HOXC13: variants seen among roughly 807,000 people sequenced by gnomAD.
HOXC13 encodes homeobox protein Hox-C13.
Under a neutral mutation model 25.9 loss-of-function variants are expected in HOXC13, and 10 were observed. The ratio of observed to expected loss-of-function variants is 0.39; its 90% CI spans 0.24 to 0.65. The LOEUF (loss-of-function observed/expected upper bound fraction) is 0.65. Ranked by LOEUF, HOXC13 falls within the 30% of genes least tolerant of loss-of-function variation. HOXC13 has a pLI of 0.50. For synonymous variants in HOXC13, 233 were observed against 217.1 expected, an observed-to-expected ratio of 1.07 and a Z score of -0.64; for missense variants, 439 against 478.3, an observed-to-expected ratio of 0.92 and a Z score of 0.77.
Position 53,939,109 on chromosome 12 carries a change from A to T in HOXC13, c.203A>T (p.His68Leu), listed in dbSNP as rs1049289125. 1.4e-6 allele frequency: 2 copies of T among 1,444,938 alleles called. No homozygotes were observed. The highest frequency in any genetic ancestry group is 3.0e-5 in the African/African-American group (2 of 66,678). The allele number at this position is 1,444,938 out of a possible 1,614,324, so 89.5% of individuals were successfully genotyped here. A position where few individuals can be genotyped will look rare whatever the true frequency, so the allele number is the denominator to read the frequency against. The stretch of plus-strand genomic sequence containing the variant: ...CTGGGCAGCAGCTGCCCGGCCAGCC[A>T]CTGCCGCGACCTGCTTCCGCACCCC... ...DGLGSSCPAS[H>L]CRDLLPHPVL... is the part of the protein sequence containing the mutation. The change falls in exon 1 of 2, where the codon CAC becomes CTC. Residue 68 changes from histidine (H) to leucine (L), a missense_variant. His to Leu is a moderately conservative substitution (Grantham distance 99). Coordinates refer to ENST00000243056, the MANE Select transcript of HOXC13 (RefSeq NM_017410.3). This position sits in a 1 kb window ranked among gnomAD's most constrained non-coding sequence, Gnocchi z 6.7.
chr12:53,945,343 A>G lies in HOXC13; in HGVS notation c.*87A>G, dbSNP rs113894846. The G allele has an allele frequency of 6.0e-6, 9 of 1,493,646 alleles. No individual in the cohort carries two copies. The highest frequency in any genetic ancestry group is 2.8e-5 in the African/African-American group (2 of 72,112). The allele number at this position is 1,493,646 out of a possible 1,614,324, so 92.5% of individuals were successfully genotyped here. A position where few individuals can be genotyped will look rare whatever the true frequency, so the allele number is the denominator to read the frequency against. On this transcript the variant is annotated 3_prime_UTR_variant, in exon 2 of 2. Coordinates refer to ENST00000243056, the MANE Select transcript of HOXC13 (RefSeq NM_017410.3). This position sits in a 1 kb window ranked among gnomAD's most constrained non-coding sequence, Gnocchi z 4.4. ...CGGAAAGACGCTGCGCGGGTGCAGAAGAGTATTTAATGTTAAGGAAAGAGA... is the reference window on the plus strand; with the variant it reads ...CGGAAAGACGCTGCGCGGGTGCAGAGGAGTATTTAATGTTAAGGAAAGAGA...
intron 1 of HOXC13, among the ~76,000 whole-genome samples, chr12:53,944,785 G>A (rs896708233): frequency 6.6e-6 from 1 of 151,924 alleles, no homozygotes; most frequent in African/African-American, 2.4e-5. Context: ...AGTTTTTGGC[G>A]CCCCCTCCCT....
rs760321962 is a variant in HOXC13 at position 53,945,295 on chromosome 12, G to C, written c.*39G>C. On this transcript the variant is annotated 3_prime_UTR_variant, in exon 2 of 2. Transcript: ENST00000243056. This position sits in a 1 kb window ranked among gnomAD's most constrained non-coding sequence, Gnocchi z 4.4. ...GCTTGCCCCATCTATTTATGTCTCC[G>C]CTTTGTACCATAACCGAACCCACGG... is the stretch of plus-strand genomic sequence containing the variant. 8 of 1,607,620 alleles carry C rather than the reference G, an allele frequency of 5.0e-6. No homozygotes were observed. In the African/African-American group the frequency reaches 9.4e-5, roughly 19 times the overall value.
In HOXC13 at chr12:53,939,607, C is replaced by T. The variant is rs747961337; in HGVS notation, c.701C>T (p.Ser234Leu). 7 of 1,499,132 alleles carry T rather than the reference C, an allele frequency of 4.7e-6. No individual in the cohort carries two copies. Among genetic ancestry groups the T allele is most frequent in the South Asian group, 2.7e-5 (2 of 73,476 alleles). The allele number at this position is 1,499,132 out of a possible 1,614,324, so 92.9% of individuals were successfully genotyped here. ...CAGGTGTACTGCTCCAAGGAGCAGT[C>T]GCAGTCCGCCCACCTCTGGAAGTCT... is the stretch of plus-strand genomic sequence containing the variant. ...DSQVYCSKEQ[S>L]QSAHLWKSPF... Residue 234 changes from serine to leucine, a missense_variant, in exon 1 of 2, where the codon TCG becomes TTG. Transcript: ENST00000243056. The surrounding 1 kb of genome is among the most constrained non-coding windows in gnomAD (Gnocchi z 6.7).
At position 53,939,134 on chromosome 12, in the gene HOXC13, C is replaced by T; in HGVS notation, c.228C>T (p.Pro76=). 3 of 1,465,120 alleles carry T rather than the reference C, an allele frequency of 2.0e-6. No homozygotes were observed. Among genetic ancestry groups the T allele is most frequent in the Admixed American group, 2.6e-5 (1 of 38,018 alleles). The allele number at this position is 1,465,120 out of a possible 1,614,324, so 90.8% of individuals were successfully genotyped here. The change falls in exon 1 of 2, where the codon CCC becomes CCT. Residue 76 remains proline, a synonymous_variant. Transcript: ENST00000243056. This position sits in a 1 kb window ranked among gnomAD's most constrained non-coding sequence, Gnocchi z 6.7. ...ASHCRDLLPH[P]VLGRPPAPLG... ...ACTGCCGCGACCTGCTTCCGCACCC[C>T]GTGCTGGGCCGCCCGCCGGCTCCCC...
chr12:53,939,022 C>A lies in HOXC13; in HGVS notation c.116C>A (p.Thr39Lys). The A allele has an allele frequency of 6.8e-7, 1 of 1,479,688 alleles. No individual in the cohort carries two copies. Among genetic ancestry groups the A allele is most frequent in the East Asian group, 2.8e-5 (1 of 35,586 alleles). The allele number at this position is 1,479,688 out of a possible 1,614,324, so 91.7% of individuals were successfully genotyped here. The change falls in exon 1 of 2, where the codon ACG becomes AAG. Residue 39 changes from threonine to lysine, a missense_variant. Thr to Lys is a moderately conservative substitution (Grantham distance 78, BLOSUM62 -1). Coordinates refer to ENST00000243056, the MANE Select transcript of HOXC13 (RefSeq NM_017410.3). This position sits in a 1 kb window ranked among gnomAD's most constrained non-coding sequence, Gnocchi z 6.7. ...GGGGGGGGGG[T>K]GGAGGGCSGA... Reference sequence around the variant, plus strand: ...GGCGGCGGAGGAGGAGGCGGCGGCACGGGCGGAGCGGGGGGTGGCTGCAGC... The same window carrying A: ...GGCGGCGGAGGAGGAGGCGGCGGCAAGGGCGGAGCGGGGGGTGGCTGCAGC...
In HOXC13 at chr12:53,945,425, C is replaced by A; in HGVS notation, c.*169C>A. ...CATGGCCGTGCTGCTGGGCCATCCCCAACTCCCTATCCCATCCCCAGCCTC... is the reference window on the plus strand; with the variant it reads ...CATGGCCGTGCTGCTGGGCCATCCCAAACTCCCTATCCCATCCCCAGCCTC... On this transcript the variant is annotated 3_prime_UTR_variant, in exon 2 of 2. Transcript: ENST00000243056. This position sits in a 1 kb window ranked among gnomAD's most constrained non-coding sequence, Gnocchi z 4.4. 1.4e-6 allele frequency: 1 copy of A among 735,008 alleles called. No individual in the cohort carries two copies. The highest frequency in any genetic ancestry group is 2.2e-6 in the Non-Finnish European group (1 of 452,940). The allele number at this position is 735,008 out of a possible 1,614,324, so 45.5% of individuals were successfully genotyped here.
In HOXC13 at chr12:53,938,966, G is replaced by C; in HGVS notation, c.60G>C (p.Glu20Asp). The C allele has an allele frequency of 1.3e-6, 2 of 1,537,668 alleles. No homozygotes were observed. Among genetic ancestry groups the C allele is most frequent in the African/African-American group, 1.4e-5 (1 of 71,242 alleles). Reference sequence around the variant, plus strand: ...CGGAGAGCCTTATGTACGTCTATGAGGACAGCGCGGCGGAGAGCGGCATCG... The same window carrying C: ...CGGAGAGCCTTATGTACGTCTATGACGACAGCGCGGCGGAGAGCGGCATCG... ...RWPESLMYVY[E>D]DSAAESGIGG... The change falls in exon 1 of 2, where the codon GAG (glutamate) becomes GAC (aspartate). Residue 20 changes from glutamate to aspartate, a missense_variant. Coordinates refer to ENST00000243056, the MANE Select transcript of HOXC13 (RefSeq NM_017410.3).
Position 53,945,501 on chromosome 12 carries a change from TC to T in HOXC13, c.*248del, listed in dbSNP as rs1938680261. 1.8e-6 allele frequency: 1 copy of T among 560,240 alleles called. No homozygotes were observed. Among genetic ancestry groups the T allele is most frequent in the African/African-American group, 1.9e-5 (1 of 53,258 alleles). 34.7% of individuals were successfully genotyped at this position (560,240 alleles called of 1,614,324 possible). The stretch of plus-strand genomic sequence containing the variant: ...TGGCTTCAACAGCTTTGGAAATGGG[TC>T]CCGAGTGGGCCGTGCGAGGAAGGCT... On this transcript the variant is annotated 3_prime_UTR_variant, in exon 2 of 2. Coordinates refer to ENST00000243056, the MANE Select transcript of HOXC13 (RefSeq NM_017410.3). The surrounding 1 kb of genome is among the most constrained non-coding windows in gnomAD (Gnocchi z 4.4).
chr12:53,940,342 A>G (rs753759796), intron 1 of HOXC13, among the ~76,000 whole-genome samples: 3 of 152,118 alleles, frequency 2.0e-5, no homozygotes, highest in Non-Finnish European at 2.9e-5. Flanking sequence ...ACCTATAGAC[A>G]TTTCCACTGC....
intron 1 of HOXC13, among the ~76,000 whole-genome samples, chr12:53,942,554 C>T (rs1378155917): frequency 1.3e-5 from 2 of 152,014 alleles, no homozygotes; most frequent in Non-Finnish European, 2.9e-5. Context: ...TGAAGTCATT[C>T]GTGTATGTGA....
rs1592185859 is a variant in HOXC13 at position 53,945,326 on chromosome 12, C to T, written c.*70C>T. On this transcript the variant is annotated 3_prime_UTR_variant, in exon 2 of 2. Transcript: ENST00000243056. The surrounding 1 kb of genome is among the most constrained non-coding windows in gnomAD (Gnocchi z 4.4). ...TACCATAACCGAACCCACGGAAAGA[C>T]GCTGCGCGGGTGCAGAAGAGTATTT... is the stretch of plus-strand genomic sequence containing the variant. 6.4e-7 allele frequency: 1 copy of T among 1,558,228 alleles called. No individual in the cohort carries two copies. The highest frequency in any genetic ancestry group is 1.1e-5 in the South Asian group (1 of 88,858).
chr12:53,939,665 G>T lies in HOXC13; in HGVS notation c.736+23G>T. The stretch of plus-strand genomic sequence containing the variant: ...CAGGTAAGGAAGGGACCCGAGCGCC[G>T]CCGCCGCCGGGGACCCCTCCCCGCC... On this transcript the variant is annotated intron_variant, in intron 1 of 1. Coordinates refer to ENST00000243056, the MANE Select transcript of HOXC13 (RefSeq NM_017410.3). The surrounding 1 kb of genome is among the most constrained non-coding windows in gnomAD (Gnocchi z 6.7). The T allele has an allele frequency of 7.4e-7, 1 of 1,359,912 alleles. No homozygotes were observed. The highest frequency in any genetic ancestry group is 9.5e-7 in the Non-Finnish European group (1 of 1,053,378). The allele number at this position is 1,359,912 out of a possible 1,614,324, so 84.2% of individuals were successfully genotyped here.
chr12:53,944,916 A>G, intron 1 of HOXC13, 84 bp from the exon 2 acceptor site: 1 of 1,569,426 alleles, frequency 6.4e-7, no homozygotes, highest in Non-Finnish European at 8.7e-7. Context: ...CCCTGCCAGA[A>G]CTCTGTGCCT....
chr12:53,946,447 A>G lies in HOXC13; in HGVS notation c.*1191A>G, dbSNP rs551849889. 2 of 212,222 alleles carry G rather than the reference A, an allele frequency of 9.4e-6. No individual in the cohort carries two copies. The highest frequency in any genetic ancestry group is 1.9e-5 in the Non-Finnish European group (2 of 104,482). The allele number at this position is 212,222 out of a possible 1,614,324, so 13.1% of individuals were successfully genotyped here. A position where few individuals can be genotyped will look rare whatever the true frequency, so the allele number is the denominator to read the frequency against. The stretch of plus-strand genomic sequence containing the variant: ...TTTTTAAAAAATGTTGTGTATCTGT[A>G]TATAGTATTGTGATGTCTGAATGAC... On this transcript the variant is annotated 3_prime_UTR_variant, in exon 2 of 2. Coordinates refer to ENST00000243056, the MANE Select transcript of HOXC13 (RefSeq NM_017410.3).
chr12:53,941,931 G>A (rs752589481), intron 1 of HOXC13, among the ~76,000 whole-genome samples: 5 of 152,118 alleles, frequency 3.3e-5, no homozygotes, highest in Non-Finnish European at 7.4e-5. Flanking sequence ...TGGTTTGTTC[G>A]GCAACATGTA....
chr12:53,939,422 C>T lies in HOXC13; in HGVS notation c.516C>T (p.Phe172=). 5.0e-6 allele frequency: 8 copies of T among 1,604,062 alleles called. No homozygotes were observed. The South Asian group carries it at 7.8e-5, about 16-fold the overall frequency. The stretch of plus-strand genomic sequence containing the variant: ...ACCTGTCCTCTAGGGCCAAGGAGTT[C>T]GCCTTCTACCCCAGCTTCGCCAGCT... ...GDDLSSRAKE[F]AFYPSFASSY... is the part of the protein sequence containing the mutation. Residue 172 remains phenylalanine (F), a synonymous_variant, in exon 1 of 2, where the codon TTC becomes TTT. Coordinates refer to ENST00000243056, the MANE Select transcript of HOXC13 (RefSeq NM_017410.3). The surrounding 1 kb of genome is among the most constrained non-coding windows in gnomAD (Gnocchi z 6.7).
chr12:53,945,457 C>G lies in HOXC13; in HGVS notation c.*201C>G. 3.2e-6 allele frequency: 2 copies of G among 628,052 alleles called. No individual in the cohort carries two copies. The highest frequency in any genetic ancestry group is 2.0e-5 in the South Asian group (1 of 49,862). 38.9% of individuals were successfully genotyped at this position (628,052 alleles called of 1,614,324 possible). ...CTATCCCATCCCCAGCCTCCACCCC[C>G]ATCCAGATGGGACTCACGTGGCTTC... On this transcript the variant is annotated 3_prime_UTR_variant, in exon 2 of 2. Coordinates refer to ENST00000243056, the MANE Select transcript of HOXC13 (RefSeq NM_017410.3). This position sits in a 1 kb window ranked among gnomAD's most constrained non-coding sequence, Gnocchi z 4.4.
Position 53,945,504 on chromosome 12 carries a change from C to T in HOXC13, c.*248C>T, listed in dbSNP as rs1027560708. 1.3e-5 allele frequency: 7 copies of T among 552,618 alleles called. No homozygotes were observed. The African/African-American group carries it at 1.3e-4, about 10-fold the overall frequency. The allele number at this position is 552,618 out of a possible 1,614,324, so 34.2% of individuals were successfully genotyped here. On this transcript the variant is annotated 3_prime_UTR_variant, in exon 2 of 2. Coordinates refer to ENST00000243056, the MANE Select transcript of HOXC13 (RefSeq NM_017410.3). The surrounding 1 kb of genome is among the most constrained non-coding windows in gnomAD (Gnocchi z 4.4). ...CTTCAACAGCTTTGGAAATGGGTCC[C>T]GAGTGGGCCGTGCGAGGAAGGCTGT...
Sources: allele counts gnomAD v4.1 joint callset (sites outside exome capture counted in the v4.1 genomes callset), GRCh38; gene constraint gnomAD v4.1.1; non-coding constraint Gnocchi (gnomAD v3.1); transcripts MANE v1.5; gene names NCBI Gene and HGNC (gene_info 2026-07-23, HGNC 2026-07-21).